The following PTPRD variants were observed in gnomAD, a reference collection of about 807,000 sequenced individuals.
The protein encoded by PTPRD is receptor-type tyrosine-protein phosphatase delta.
In PTPRD, 34 loss-of-function variants were observed where a neutral mutation model predicts 214.5. The ratio of observed to expected loss-of-function variants is 0.16; its 90% CI spans 0.12 to 0.21. PTPRD has a LOEUF of 0.21. Among genes scored for constraint, PTPRD ranks in the 10% least tolerant of loss-of-function variants. The probability of loss-of-function intolerance (pLI) is 1.00; values close to 1 mark genes in which losing one functional copy is unlikely to be tolerated. For synonymous variants in PTPRD, 1,128 were observed against 845.7 expected (o/e 1.33, Z -5.79); for missense variants, 2,545 against 2,398.7 (o/e 1.06, Z -1.27).
chr9:8,704,514 T>C (rs536701014), intron 12 of PTPRD, among the ~76,000 whole-genome samples: 8 of 152,112 alleles, frequency 5.3e-5, no homozygotes, highest in Admixed American at 2.0e-4. Flanking sequence ...ATCATGAACT[T>C]GAAAATGGAC....
chr9:9,888,092 G>C (rs2071665000), intron 5 of PTPRD, among the ~76,000 whole-genome samples: 1 of 152,162 alleles, frequency 6.6e-6, no homozygotes, highest in Non-Finnish European at 1.5e-5. Flanking sequence ...CTACCCAGCA[G>C]CCATTCCTCT....
intron 7 of PTPRD, among the ~76,000 whole-genome samples, chr9:9,624,968 C>T (rs2095371792): frequency 6.6e-6 from 1 of 152,044 alleles, no homozygotes; most frequent in Non-Finnish European, 1.5e-5. Context: ...AGAATTATTG[C>T]AAGGAAGAAA....
chr9:8,436,343 A>AT (rs1327343736), intron 35 of PTPRD, among the ~76,000 whole-genome samples: 3 of 118,504 alleles, frequency 2.5e-5, no homozygotes, highest in Non-Finnish European at 6.0e-5. Context: ...TAAAATAAAA[A>AT]TAAAAAACAG....
At chr9:9,602,992 T>A (rs756260446) in intron 7 of PTPRD, among the ~76,000 whole-genome samples, 3 of 152,082 alleles carry the variant, frequency 2.0e-5, no homozygotes, top group African/African-American at 4.8e-5. Context: ...TTAGGTTGTG[T>A]TACAAAATAC....
chr9:8,677,563 T>TC (rs1228017692), intron 12 of PTPRD, among the ~76,000 whole-genome samples: 4 of 152,096 alleles, frequency 2.6e-5, no homozygotes, highest in Non-Finnish European at 5.9e-5. Context: ...CAACTACCAA[T>TC]CAGGTATTAT....
At chr9:9,645,632 C>A (rs1003840875) in intron 7 of PTPRD, among the ~76,000 whole-genome samples, 4 of 151,752 alleles carry the variant, frequency 2.6e-5, no homozygotes, top group African/African-American at 9.7e-5. Flanking sequence ...ACTTTAAATG[C>A]AACTCATTTG....
At chr9:9,393,657 T>A (rs982984586) in intron 9 of PTPRD, among the ~76,000 whole-genome samples, 3 of 152,142 alleles carry the variant, frequency 2.0e-5, no homozygotes, top group African/African-American at 7.2e-5. Flanking sequence ...ATTGATATAG[T>A]TGGGTTAAAT....
chr9:8,576,926 T>C (rs2092457741), intron 14 of PTPRD, among the ~76,000 whole-genome samples: 1 of 152,222 alleles, frequency 6.6e-6, no homozygotes, highest in Non-Finnish European at 1.5e-5. Flanking sequence ...AATCCCACTG[T>C]CAGCAGAGCC....
chr9:9,494,825 T>G (rs536993759), intron 8 of PTPRD, among the ~76,000 whole-genome samples: 11 of 152,258 alleles, frequency 7.2e-5, no homozygotes, highest in African/African-American at 2.6e-4. Flanking sequence ...TTAAAATTCA[T>G]ATGGGATTTC....
chr9:9,358,154 A>G (rs565689341), intron 9 of PTPRD, among the ~76,000 whole-genome samples: 22 of 151,404 alleles, frequency 1.5e-4, no homozygotes, highest in South Asian at 6.2e-4. Flanking sequence ...ATATTCTCCT[A>G]TTCTTTGCAT....
chr9:9,106,112 G>A (rs543417176), intron 10 of PTPRD, among the ~76,000 whole-genome samples: 11 of 152,166 alleles, frequency 7.2e-5, no homozygotes, highest in African/African-American at 1.9e-4. Context: ...CAAGAGCTTC[G>A]TAGGAAACCT....
intron 14 of PTPRD, among the ~76,000 whole-genome samples, chr9:8,602,454 G>T (rs769345926): frequency 1.3e-5 from 2 of 152,164 alleles, no homozygotes; most frequent in Non-Finnish European, 2.9e-5. Flanking sequence ...GCCTTATCAG[G>T]AATGAGAATA....
intron 44 of PTPRD, 132 bp from the exon 45 acceptor site, chr9:8,320,098 G>C: frequency 9.1e-7 from 1 of 1,103,220 alleles, no homozygotes; most frequent in Non-Finnish European, 1.2e-6. Flanking sequence ...GGAAAACATG[G>C]TATCACATTC....
At chr9:9,556,159 T>C (rs1247062085) in intron 8 of PTPRD, among the ~76,000 whole-genome samples, 2 of 152,142 alleles carry the variant, frequency 1.3e-5, no homozygotes, top group African/African-American at 4.8e-5. Context: ...TTATATATTG[T>C]ATTATTAAAA....
intron 2 of PTPRD, among the ~76,000 whole-genome samples, chr9:10,369,178 C>G (rs1049092196): frequency 2.0e-5 from 3 of 152,038 alleles, no homozygotes; most frequent in Admixed American, 6.6e-5. Context: ...TATTTTTCCT[C>G]TTAGGGTCCA....
intron 9 of PTPRD, among the ~76,000 whole-genome samples, chr9:9,279,008 G>A (rs867391101): frequency 1.1e-4 from 16 of 150,758 alleles, no homozygotes; most frequent in East Asian, 5.9e-4. Context: ...TAACCTGTCC[G>A]GAAAACTATA....
intron 2 of PTPRD, among the ~76,000 whole-genome samples, chr9:10,348,983 T>C (rs57581000): frequency 0.13 from 19,515 of 152,078 alleles, 2,704 homozygotes; most frequent in African/African-American, 0.34. Flanking sequence ...CTATCAATTA[T>C]CTTTGCAGGT....
chr9:8,836,790 G>T (rs184450841), intron 11 of PTPRD, among the ~76,000 whole-genome samples: 1 of 151,380 alleles, frequency 6.6e-6, no homozygotes, highest in South Asian at 2.1e-4. Context: ...TAGAGATGGG[G>T]TTTCACCATG....
intron 7 of PTPRD, among the ~76,000 whole-genome samples, chr9:9,718,445 G>A (rs2097872834): frequency 6.6e-6 from 1 of 152,172 alleles, no homozygotes. Context: ...GAGGGGAACA[G>A]GTGATCCCAG....
Sources: gnomAD v4.1 joint callset for allele counts (sites outside exome capture counted in the v4.1 genomes callset) on GRCh38, gnomAD v4.1.1 for gene constraint, MANE v1.5 for transcripts, NCBI Gene and HGNC (gene_info 2026-07-23, HGNC 2026-07-21) for gene names.